FANCB: variants seen among roughly 807,000 people sequenced by gnomAD.
FANCB encodes FA complementation group B, also known as Fanconi anemia group B protein.
FANCB carries 5 observed loss-of-function variants against 38.9 expected under a neutral mutation model. That is an observed-to-expected ratio of 0.13 (90% CI 0.07 to 0.27). The LOEUF is 0.27. Ranked by LOEUF, FANCB falls within the 10% of genes least tolerant of loss-of-function variation. FANCB has a pLI of 1.00. For missense variants in FANCB, 573 were observed against 602.7 expected (o/e 0.95, Z 0.52); for synonymous variants, 236 against 215.4 (o/e 1.10, Z -0.84).
the FANCB span, among the ~76,000 whole-genome samples, chrX:14,728,198 T>C: frequency 1.8e-5 from 2 of 110,117 alleles, no homozygotes; most frequent in Non-Finnish European, 3.8e-5. Flanking sequence ...AGACCAGCCT[T>C]AGCAACATAG....
the FANCB span, among the ~76,000 whole-genome samples, chrX:14,757,580 G>T: frequency 8.9e-6 from 1 of 111,938 alleles, no homozygotes; most frequent in Non-Finnish European, 1.9e-5. Context: ...GAACCTGGAG[G>T]TCCAGATCAC....
the FANCB span, among the ~76,000 whole-genome samples, chrX:14,812,117 G>A: frequency 2.7e-5 from 3 of 109,995 alleles, no homozygotes; most frequent in East Asian, 2.8e-4. Context: ...TGAAACCAAC[G>A]AGAACAAAGA....
At chrX:14,750,007 G>A in the FANCB span, among the ~76,000 whole-genome samples, 1 of 112,080 alleles carries the variant, frequency 8.9e-6, no homozygotes, top group Non-Finnish European at 1.9e-5. Context: ...AGAGCAAAGA[G>A]TTTCAAAGGA....
the FANCB span, among the ~76,000 whole-genome samples, chrX:14,797,556 C>A: frequency 9.1e-6 from 1 of 109,435 alleles, no homozygotes; most frequent in Non-Finnish European, 1.9e-5. Context: ...CTGGTGTGCA[C>A]CTGTGGTCCC....
At chrX:14,796,473 T>TTA in the FANCB span, among the ~76,000 whole-genome samples, 6 of 99,110 alleles carry the variant, frequency 6.1e-5, no homozygotes, top group African/African-American at 2.2e-4. Flanking sequence ...ATATAATAGA[T>TTA]TATATATATA....
At chrX:14,760,383 T>C in the FANCB span, among the ~76,000 whole-genome samples, 1 of 111,784 alleles carries the variant, frequency 8.9e-6, no homozygotes, top group East Asian at 2.8e-4. Context: ...GAATAGTGGT[T>C]ACCAGAGGCT....
At chrX:14,801,991 T>C in the FANCB span, among the ~76,000 whole-genome samples, 1 of 111,831 alleles carries the variant, frequency 8.9e-6, no homozygotes, top group Admixed American at 9.5e-5. Context: ...TGTGGTCACA[T>C]GATTTATCTT....
the FANCB span, among the ~76,000 whole-genome samples, chrX:14,826,126 CT>C: frequency 8.9e-6 from 1 of 112,252 alleles, no homozygotes; most frequent in Non-Finnish European, 1.9e-5. Flanking sequence ...TTCAATCTGC[CT>C]TTTAGAAGTT....
At chrX:14,790,135 T>C in the FANCB span, among the ~76,000 whole-genome samples, 1 of 111,844 alleles carries the variant, frequency 8.9e-6, no homozygotes, top group African/African-American at 3.2e-5. Context: ...CAGACCAAAA[T>C]CCCTGCCATT....
At chrX:14,846,445 A>G (rs1481110819) in intron 7 of FANCB, among the ~76,000 whole-genome samples, 1 of 111,986 alleles carries the variant, frequency 8.9e-6, no homozygotes, top group African/African-American at 3.2e-5. Flanking sequence ...GTCTAACTAA[A>G]TAATTGATGA....
At chrX:14,690,436 A>G in the FANCB span, among the ~76,000 whole-genome samples, 1 of 111,847 alleles carries the variant, frequency 8.9e-6, no homozygotes, top group Non-Finnish European at 1.9e-5. Flanking sequence ...AAAATCTGTC[A>G]TTAAGGAAAT....
Position 14,850,627 on chromosome X carries a change from A to G in FANCB, c.1374T>C (p.His458=). 8.4e-7 allele frequency: 1 copy of G among 1,192,455 alleles called. No individual in the cohort carries two copies. Among genetic ancestry groups the G allele is most frequent in the South Asian group, 1.8e-5 (1 of 56,318 alleles). ...TGTCTGATAACTTTTCATCTAAGAT[A>G]TGGACAGAATTTTCTTCTTCACCAC... ...PLCGEEENSV[H]ILDEKLSDNF... Residue 458 remains histidine, a synonymous_variant, in exon 7 of 10, where the codon CAT becomes CAC. Coordinates refer to ENST00000650831, the MANE Select transcript of FANCB (RefSeq NM_001018113.3).
the FANCB span, among the ~76,000 whole-genome samples, chrX:14,805,143 C>T: frequency 6.3e-5 from 7 of 111,478 alleles, no homozygotes; most frequent in Non-Finnish European, 1.1e-4. Context: ...TGCTACTAGA[C>T]ACCACCACTT....
intron 1 of FANCB, among the ~76,000 whole-genome samples, chrX:14,870,269 A>T (rs978981409): frequency 1.8e-5 from 2 of 111,577 alleles, no homozygotes; most frequent in Admixed American, 1.9e-4. Context: ...AAATCAAACT[A>T]AGGTTCAATT....
chrX:14,731,732 AATT>A, the FANCB span: 1 of 111,912 alleles, frequency 8.9e-6, no homozygotes, highest in Admixed American at 9.5e-5. Context: ...AAAATATAAT[AATT>A]AAATTTTACA....
chrX:14,710,555 A>G, the FANCB span, among the ~76,000 whole-genome samples: 2 of 111,981 alleles, frequency 1.8e-5, no homozygotes, highest in African/African-American at 6.5e-5. Context: ...TAACAGCAGC[A>G]AAGGGACTTG....
the FANCB span, among the ~76,000 whole-genome samples, chrX:14,804,793 T>C: frequency 1.8e-5 from 2 of 112,098 alleles, no homozygotes; most frequent in African/African-American, 6.5e-5. Context: ...ATATGGATTA[T>C]ATTTCATCCT....
At chrX:14,691,271 CTGTGTG>C in the FANCB span, among the ~76,000 whole-genome samples, 9,770 of 84,863 alleles carry the variant, frequency 0.12, 499 homozygotes, top group Admixed American at 0.14. Flanking sequence ...TAAATATTGA[CTGTGTG>C]TGTGTGTGTG....
At chrX:14,725,686 A>G in the FANCB span, among the ~76,000 whole-genome samples, 22 of 112,466 alleles carry the variant, frequency 2.0e-4, no homozygotes, top group African/African-American at 7.1e-4. Flanking sequence ...ATTCACTACA[A>G]TGCAACTCCA....
Sources: gnomAD v4.1 joint callset for allele counts (sites outside exome capture counted in the v4.1 genomes callset) on GRCh38, gnomAD v4.1.1 for gene constraint, MANE v1.5 for transcripts, NCBI Gene and HGNC (gene_info 2026-07-23, HGNC 2026-07-21) for gene names.